Variants in FAM222B observed in about 807,000 individuals in gnomAD.
The protein encoded by FAM222B is protein FAM222B.
A neutral mutation model predicts 38.0 loss-of-function variants in FAM222B; 12 were observed. The observed-to-expected ratio is 0.32, with a 90% CI of 0.20 to 0.51. The LOEUF (loss-of-function observed/expected upper bound fraction) is 0.51. Ranked by LOEUF, FAM222B falls within the 20% of genes least tolerant of loss-of-function variation. FAM222B has a pLI of 0.97. For synonymous variants in FAM222B, 329 were observed against 317.2 expected, an observed-to-expected ratio of 1.04 and a Z score of -0.40; for missense variants, 716 against 754.2, an observed-to-expected ratio of 0.95 and a Z score of 0.59.
intron 1 of FAM222B, among the ~76,000 whole-genome samples, chr17:28,798,730 G>A (rs1452999073): frequency 6.6e-6 from 1 of 151,498 alleles, no homozygotes; most frequent in Non-Finnish European, 1.5e-5. Context: ...CGCCTCCCGG[G>A]TTCACATTAT....
At chr17:28,779,193 G>A (rs992982720) in intron 1 of FAM222B, among the ~76,000 whole-genome samples, 2 of 151,868 alleles carry the variant, frequency 1.3e-5, no homozygotes, top group Admixed American at 6.6e-5. Context: ...TTACGACGTC[G>A]GCATTACCCT....
chr17:28,815,641 AC>A (rs1283797686), intron 1 of FAM222B, among the ~76,000 whole-genome samples: 1 of 152,178 alleles, frequency 6.6e-6, no homozygotes, highest in Non-Finnish European at 1.5e-5. Context: ...AGCCTGGGCA[AC>A]ACAGTGAAAC....
chr17:28,785,531 G>T (rs888638209), intron 1 of FAM222B, among the ~76,000 whole-genome samples: 1 of 151,952 alleles, frequency 6.6e-6, no homozygotes, highest in African/African-American at 2.4e-5. Flanking sequence ...ATGATGATGA[G>T]GATGAGGATG....
intron 1 of FAM222B, among the ~76,000 whole-genome samples, chr17:28,767,916 C>A (rs1348768218): frequency 6.6e-6 from 1 of 152,182 alleles, no homozygotes; most frequent in Non-Finnish European, 1.5e-5. Context: ...CTCCCACCCC[C>A]TCAAAAGAAA....
rs1427855084 is a variant in FAM222B at position 28,759,911 on chromosome 17, G to A, written c.83-35C>T. ...GAGAATGGGAAGGAGAGCAAAGAGG[G>A]AGAGGGAGCTCATCAGTGCCAAGGC... On this transcript the variant is annotated intron_variant, in intron 2 of 2. Coordinates refer to ENST00000581407, the MANE Select transcript of FAM222B (RefSeq NM_001077498.3). This position sits in a 1 kb window ranked among gnomAD's most constrained non-coding sequence, Gnocchi z 4.8. 1.0e-5 allele frequency: 15 copies of A among 1,491,662 alleles called. No homozygotes were observed. Among genetic ancestry groups the A allele is most frequent in the Admixed American group, 4.4e-5 (2 of 45,230 alleles). 92.4% of individuals were successfully genotyped at this position (1,491,662 alleles called of 1,614,324 possible).
upstream of FAM222B, among the ~76,000 whole-genome samples, chr17:28,845,316 G>A (rs2039137713): frequency 6.6e-6 from 1 of 151,284 alleles, no homozygotes; most frequent in South Asian, 2.1e-4. Context: ...CGGGAGAATG[G>A]CGTGAAGCCC....
chr17:28,783,756 C>T (rs1202194023), intron 1 of FAM222B, among the ~76,000 whole-genome samples: 1 of 151,914 alleles, frequency 6.6e-6, no homozygotes, highest in African/African-American at 2.4e-5. Context: ...AATGATCCAC[C>T]TGCCTCGGCC....
At chr17:28,768,986 G>A (rs775965022) in intron 1 of FAM222B, among the ~76,000 whole-genome samples, 1 of 151,900 alleles carries the variant, frequency 6.6e-6, no homozygotes. Context: ...AGCTAAAACT[G>A]TGAAATGGGC....
At chr17:28,842,832 G>T (rs1490429281), upstream of FAM222B, 1 of 152,458 alleles carries the variant, frequency 6.6e-6, no homozygotes, top group African/African-American at 2.4e-5. Flanking sequence ...GTAGCGCCTG[G>T]GCCCTTTCGG....
intron 1 of FAM222B, among the ~76,000 whole-genome samples, chr17:28,823,167 A>T (rs2038324165): frequency 6.6e-6 from 1 of 151,930 alleles, no homozygotes; most frequent in South Asian, 2.1e-4. Flanking sequence ...ACCAAACAAA[A>T]ACAAAAAAAA....
chr17:28,830,157 C>T (rs1388443605), intron 1 of FAM222B, among the ~76,000 whole-genome samples: 5 of 114,292 alleles, frequency 4.4e-5, no homozygotes, highest in African/African-American at 7.1e-5. Flanking sequence ...CCTCTTTATA[C>T]ATTCTTTTTT....
At chr17:28,850,798 A>G (rs925661151) in intron 1 of FAM222B, among the ~76,000 whole-genome samples, 4 of 152,248 alleles carry the variant, frequency 2.6e-5, no homozygotes, top group Middle Eastern at 3.4e-3. Flanking sequence ...AATTTTGAAC[A>G]GGTTCTTTCT....
At position 28,828,212 on chromosome 17, in the gene FAM222B, G is replaced by A. The variant is rs1010361109; in HGVS notation, c.-41+14470C>T. 4.3e-5 allele frequency among the ~76,000 whole-genome samples: 6 copies of A among 139,268 alleles called. No individual in the cohort carries two copies. The East Asian group carries it at 1.1e-3, about 25-fold the overall frequency. 91.4% of individuals were successfully genotyped at this position (139,268 alleles called of 152,430 possible). A position where few individuals can be genotyped will look rare whatever the true frequency, so the allele number is the denominator to read the frequency against. On this transcript the variant is annotated intron_variant, in intron 1 of 2. Transcript: ENST00000581407. Reference sequence around the variant, plus strand: ...AGCAACCTCCGCCTCCCGGGTTCAAGCAATTCTCCTGCCGCAGCCTCCTGA... The same window carrying A: ...AGCAACCTCCGCCTCCCGGGTTCAAACAATTCTCCTGCCGCAGCCTCCTGA...
Position 28,758,739 on chromosome 17 carries a change from G to A in FAM222B, c.1220C>T (p.Ala407Val), listed in dbSNP as rs199606408. 115 of 1,579,746 alleles carry A rather than the reference G, an allele frequency of 7.3e-5. No individual in the cohort carries two copies. The African/African-American group carries it at 1.4e-3, about 20-fold the overall frequency. ...GCAGAGTTCCTGCGGGTAGGCAGGGGCCTTGCCCACAAAGCCAGGCCCTGC... is the reference window on the plus strand; with the variant it reads ...GCAGAGTTCCTGCGGGTAGGCAGGGACCTTGCCCACAAAGCCAGGCCCTGC... ...ELAGPGFVGKAPAYPQELCLA... is the reference protein window; with the variant it reads ...ELAGPGFVGKVPAYPQELCLA... The change falls in exon 3 of 3, where the codon GCC (alanine) becomes GTC (valine). Residue 407 changes from alanine to valine, a missense_variant. Physicochemically the swap from Ala to Val is moderately conservative, Grantham distance 64. Transcript: ENST00000581407.
chr17:28,839,076 G>C (rs989933282), intron 1 of FAM222B, among the ~76,000 whole-genome samples: 2 of 151,910 alleles, frequency 1.3e-5, no homozygotes, highest in Non-Finnish European at 2.9e-5. Context: ...GCATGGTGGC[G>C]GGTGCCTGTA....
At chr17:28,771,438 T>C (rs2035627787) in intron 1 of FAM222B, among the ~76,000 whole-genome samples, 2 of 152,158 alleles carry the variant, frequency 1.3e-5, no homozygotes, top group African/African-American at 2.4e-5. Context: ...TCCCAGCACT[T>C]TGGGAGGCCG....
chr17:28,817,766 G>C (rs920440087), intron 1 of FAM222B, among the ~76,000 whole-genome samples: 1 of 152,058 alleles, frequency 6.6e-6, no homozygotes, highest in Admixed American at 6.6e-5. Context: ...ATGCAGAGTA[G>C]AGAATCAAAC....
At chr17:28,807,202 G>C (rs2037533688) in intron 1 of FAM222B, among the ~76,000 whole-genome samples, 1 of 152,004 alleles carries the variant, frequency 6.6e-6, no homozygotes, top group Non-Finnish European at 1.5e-5. Flanking sequence ...TTTTAATAGA[G>C]ATGGGGTTTC....
chr17:28,786,889 A>G (rs903567371), intron 1 of FAM222B, among the ~76,000 whole-genome samples: 5 of 136,960 alleles, frequency 3.7e-5, no homozygotes, highest in Non-Finnish European at 6.2e-5. Context: ...ACTGCCCTTC[A>G]CTGTATTTTT....
Sources: allele counts gnomAD v4.1 joint callset (sites outside exome capture counted in the v4.1 genomes callset), GRCh38; gene constraint gnomAD v4.1.1; non-coding constraint Gnocchi (gnomAD v3.1); transcripts MANE v1.5; gene names NCBI Gene and HGNC (gene_info 2026-07-23, HGNC 2026-07-21).